Variants in ANKRD11 observed in about 807,000 individuals in gnomAD.
The protein encoded by ANKRD11 is ankyrin repeat domain-containing protein 11.
In ANKRD11, 17 loss-of-function variants were observed where a neutral mutation model predicts 195.7. The ratio of observed to expected loss-of-function variants is 0.09; its 90% confidence interval spans 0.06 to 0.13. The LOEUF is 0.13. Ranked by LOEUF, ANKRD11 falls within the 10% of genes least tolerant of loss-of-function variation. The pLI, the probability that ANKRD11 is intolerant of heterozygous loss-of-function variation, is 1.00. For synonymous variants in ANKRD11, 1,953 were observed against 1,528.1 expected, an observed-to-expected ratio of 1.28 and a Z score of -6.49; for missense variants, 3,735 against 3,566.1, an observed-to-expected ratio of 1.05 and a Z score of -1.21.
chr16:89,393,308 A>ATT (rs150301440), intron 2 of ANKRD11, among the ~76,000 whole-genome samples: 6 of 145,146 alleles, frequency 4.1e-5, no homozygotes, highest in African/African-American at 1.3e-4. Flanking sequence ...TACTTTTTTT[A>ATT]TTTTTATTTT....
In ANKRD11 at chr16:89,285,683, G is replaced by A. The variant is rs1330194842; in HGVS notation, c.893-34C>T. On this transcript the variant is annotated intron_variant, in intron 8 of 12. Coordinates refer to ENST00000301030, the MANE Select transcript of ANKRD11 (RefSeq NM_013275.6). The surrounding 1 kb of genome is among the most constrained non-coding windows in gnomAD (Gnocchi z 5.6). ...GGTAGGAAGCGAGAGGTCACAGGCAGGCTCAAAACAGCTCTCCCCAGAATG... is the reference window on the plus strand; with the variant it reads ...GGTAGGAAGCGAGAGGTCACAGGCAAGCTCAAAACAGCTCTCCCCAGAATG... 1 of 1,608,076 alleles carries A rather than the reference G, an allele frequency of 6.2e-7. No individual in the cohort carries two copies. The highest frequency in any genetic ancestry group is 8.5e-7 in the Non-Finnish European group (1 of 1,174,670).
chr16:89,303,428 G>A (rs879853498), intron 4 of ANKRD11, among the ~76,000 whole-genome samples: 2 of 152,156 alleles, frequency 1.3e-5, no homozygotes, highest in South Asian at 2.1e-4. Flanking sequence ...CTCCCTTCTG[G>A]GGGCTGAGGT....
intron 1 of ANKRD11, among the ~76,000 whole-genome samples, chr16:89,443,045 T>G (rs912910420): frequency 6.6e-6 from 1 of 152,292 alleles, no homozygotes; most frequent in African/African-American, 2.4e-5. Context: ...CAGACTGGAG[T>G]GCAATGGTGC....
chr16:89,322,714 C>G (rs1597632485), intron 2 of ANKRD11, among the ~76,000 whole-genome samples: 1 of 152,230 alleles, frequency 6.6e-6, no homozygotes, highest in African/African-American at 2.4e-5. Flanking sequence ...GAGCTGGAAG[C>G]AGCAGTCCTG....
In ANKRD11 at chr16:89,291,401, C is replaced by T. The variant is rs934159744; in HGVS notation, c.227-218G>A. 6.6e-6 allele frequency among the ~76,000 whole-genome samples: 1 copy of T among 152,180 alleles called. No homozygotes were observed. The highest frequency in any genetic ancestry group is 6.5e-5 in the Admixed American group (1 of 15,288). On this transcript the variant is annotated intron_variant, in intron 4 of 12. Transcript: ENST00000301030. The surrounding 1 kb of genome is among the most constrained non-coding windows in gnomAD (Gnocchi z 5.3). ...TGACTGTGAGACCATTTAAACACCTCGTTACCAGCCCCTCAAGTCTGCTAA... is the reference window on the plus strand; with the variant it reads ...TGACTGTGAGACCATTTAAACACCTTGTTACCAGCCCCTCAAGTCTGCTAA...
intron 1 of ANKRD11, among the ~76,000 whole-genome samples, chr16:89,422,748 G>A (rs910966917): frequency 6.6e-6 from 1 of 152,148 alleles, no homozygotes; most frequent in East Asian, 1.9e-4. Flanking sequence ...GGAAAGGAAC[G>A]GAAGTTCAAG....
intron 4 of ANKRD11, among the ~76,000 whole-genome samples, chr16:89,295,985 C>CTTTTTTGTTT (rs2035406672): frequency 2.2e-5 from 1 of 45,142 alleles, no homozygotes; most frequent in African/African-American, 1.1e-4. Flanking sequence ...ATCTGGCTGC[C>CTTTTTTGTTT]TTTTTTTTTT....
chr16:89,359,623 A>T (rs2152054192), intron 2 of ANKRD11, among the ~76,000 whole-genome samples: 1 of 152,272 alleles, frequency 6.6e-6, no homozygotes, highest in South Asian at 2.1e-4. Context: ...AGAGCTGCTC[A>T]TTTCAGCTTC....
chr16:89,490,401 G>A lies in ANKRD11; in HGVS notation c.-301C>T, dbSNP rs909154803. 1.7e-4 allele frequency: 41 copies of A among 247,548 alleles called. No individual in the cohort carries two copies. In the Admixed American group the frequency reaches 2.0e-3, roughly 12 times the overall value. The allele number at this position is 247,548 out of a possible 1,614,324, so 15.3% of individuals were successfully genotyped here. On this transcript the variant is annotated 5_prime_UTR_variant, in exon 1 of 13. Transcript: ENST00000301030. ...CGGGCCCGGCAGAGCTGCGAGGGAC[G>A]GCGGGAGGCGAGCCCGCCCCTCGGG...
intron 2 of ANKRD11, among the ~76,000 whole-genome samples, chr16:89,380,050 C>G (rs2040578626): frequency 6.6e-6 from 1 of 152,194 alleles, no homozygotes; most frequent in African/African-American, 2.4e-5. Context: ...TGAAGCTCCT[C>G]TGCCACCAGA....
intron 6 of ANKRD11, chr16:89,288,909 C>G (rs2034839352): frequency 3.3e-6 from 2 of 606,092 alleles, no homozygotes; most frequent in Non-Finnish European, 5.9e-6. Context: ...GGACTGACAA[C>G]CTGCAGGGCT....
Position 89,283,178 on chromosome 16 carries a change from C to G in ANKRD11, c.3364G>C (p.Glu1122Gln). The change falls in exon 9 of 13, where the codon GAG becomes CAG. Residue 1122 changes from glutamate to glutamine, a missense_variant. Physicochemically the swap from Glu to Gln is conservative, Grantham distance 29. Transcript: ENST00000301030. This position sits in a 1 kb window ranked among gnomAD's most constrained non-coding sequence, Gnocchi z 4.3. ...SWYIADIFTD[E>Q]SEDDRDSCMG... ...CAGCTGTCTCTGTCGTCCTCACTCT[C>G]ATCTGTGAAGATGTCTGCGATGTAC... is the stretch of plus-strand genomic sequence containing the variant. The G allele has an allele frequency of 6.2e-7, 1 of 1,614,142 alleles. No individual in the cohort carries two copies. Among genetic ancestry groups the G allele is most frequent in the Non-Finnish European group, 8.5e-7 (1 of 1,180,050 alleles).
chr16:89,469,960 C>T (rs1463703605), intron 1 of ANKRD11, among the ~76,000 whole-genome samples: 2 of 150,976 alleles, frequency 1.3e-5, no homozygotes, highest in African/African-American at 4.9e-5. Flanking sequence ...GGCTGGAGCG[C>T]AGTGGTGCGA....
chr16:89,401,260 G>C (rs1252958189), intron 2 of ANKRD11, among the ~76,000 whole-genome samples: 5 of 152,204 alleles, frequency 3.3e-5, no homozygotes, highest in African/African-American at 1.2e-4. Context: ...TGGATTTTTA[G>C]TAGAGACCGG....
Position 89,283,143 on chromosome 16 carries a change from G to C in ANKRD11, c.3399C>G (p.Ser1133Arg), listed in dbSNP as rs944757234. ...CGCTGGCCTCTCCCATCTTGAACCC[G>C]CTCCCCATGCAGCTGTCTCTGTCGT... ...SEDDRDSCMG[S>R]GFKMGEASDL... Residue 1133 changes from serine (S) to arginine (R), a missense_variant, in exon 9 of 13, where the codon AGC (serine) becomes AGG (arginine). Coordinates refer to ENST00000301030, the MANE Select transcript of ANKRD11 (RefSeq NM_013275.6). This position sits in a 1 kb window ranked among gnomAD's most constrained non-coding sequence, Gnocchi z 4.3. The C allele has an allele frequency of 6.2e-7, 1 of 1,613,784 alleles. No homozygotes were observed. The highest frequency in any genetic ancestry group is 1.1e-5 in the South Asian group (1 of 91,068).
At chr16:89,462,948 TG>T (rs765920653) in intron 1 of ANKRD11, among the ~76,000 whole-genome samples, 107 of 126,084 alleles carry the variant, frequency 8.5e-4, no homozygotes, top group Non-Finnish European at 1.3e-3. Context: ...GAGGTGGAGG[TG>T]GGGGGGGTCA....
chr16:89,388,293 A>ATTTTTTTTTTTTTTTTTT lies in ANKRD11; in HGVS notation c.-60+29973_-60+29990dup, dbSNP rs71134215. On this transcript the variant is annotated intron_variant, in intron 2 of 12. Transcript: ENST00000301030. ...GTGCTCTCTTCTCTCCATGAGGCTG[A>ATTTTTTTTTTTTTTTTTT]TTTTTTTTTTTTTTTTTTTTTTGAG... Among the ~76,000 whole-genome samples, 9 of 85,298 alleles carry ATTTTTTTTTTTTTTTTTT rather than the reference A, an allele frequency of 1.1e-4. 1 individual carries two copies. Among genetic ancestry groups the ATTTTTTTTTTTTTTTTTT allele is most frequent in the African/African-American group, 3.4e-4 (8 of 23,360 alleles). 56.0% of individuals were successfully genotyped at this position (85,298 alleles called of 152,430 possible).
intron 1 of ANKRD11, among the ~76,000 whole-genome samples, chr16:89,421,645 G>C (rs1490302523): frequency 9.5e-6 from 1 of 104,868 alleles, no homozygotes; most frequent in African/African-American, 4.4e-5. Context: ...GGGGGCGGGG[G>C]TGAGACACGA....
intron 2 of ANKRD11, among the ~76,000 whole-genome samples, chr16:89,410,898 G>T (rs991328846): frequency 5.9e-5 from 9 of 152,218 alleles, no homozygotes; most frequent in Non-Finnish European, 1.2e-4. Context: ...TCTACACAGA[G>T]CCTTATGTAC....
Sources: gnomAD v4.1 joint callset for allele counts (sites outside exome capture counted in the v4.1 genomes callset) on GRCh38, gnomAD v4.1.1 for gene constraint, Gnocchi (gnomAD v3.1) non-coding constraint, MANE v1.5 for transcripts, NCBI Gene and HGNC (gene_info 2026-07-23, HGNC 2026-07-21) for gene names.